The following BPTF variants were observed in gnomAD, a reference collection of about 807,000 sequenced individuals.
BPTF encodes bromodomain PHD finger transcription factor.
In BPTF, 18 loss-of-function variants were observed where a neutral mutation model predicts 292.5. The ratio of observed to expected loss-of-function variants is 0.06; its 90% CI spans 0.04 to 0.09. The LOEUF is 0.09. BPTF is among the 10% of genes least tolerant of loss of function. The pLI, the probability that BPTF is intolerant of heterozygous loss-of-function variation, is 1.00. For synonymous variants in BPTF, 1,225 were observed against 1,251.9 expected, an observed-to-expected ratio of 0.98 and a Z score of 0.45; for missense variants, 2,726 against 3,498.7, an observed-to-expected ratio of 0.78 and a Z score of 5.57.
chr17:67,863,925 A>T (rs1331007921), intron 2 of BPTF, among the ~76,000 whole-genome samples: 2 of 150,552 alleles, frequency 1.3e-5, no homozygotes, highest in Non-Finnish European at 3.0e-5. Context: ...TATAATATGT[A>T]TGTTTGCTCT....
chr17:67,912,916 G>A lies in BPTF; in HGVS notation c.5032G>A (p.Val1678Met), dbSNP rs1400871302. The A allele has an allele frequency of 1.9e-6, 3 of 1,614,112 alleles. No individual in the cohort carries two copies. The highest frequency in any genetic ancestry group is 2.5e-6 in the Non-Finnish European group (3 of 1,180,042). The change falls in exon 11 of 28, where the codon GTG (valine) becomes ATG (methionine). Residue 1678 changes from valine to methionine, a missense_variant. By Grantham distance (21) the Val-to-Met change is conservative. Coordinates refer to ENST00000306378, the MANE Select transcript of BPTF (RefSeq NM_182641.4). ...AGGCACACTGGTTACATCTATGACT[G>A]TGAGCAAAGAGTATTCCACACGAGA... ...TGGTLVTSMT[V>M]SKEYSTRDKV...
chr17:67,972,982 T>A (rs987135578), intron 26 of BPTF, among the ~76,000 whole-genome samples: 4 of 149,604 alleles, frequency 2.7e-5, no homozygotes, highest in Admixed American at 6.7e-5. Flanking sequence ...TTTAACTGCA[T>A]AAACTGGAGC....
At chr17:67,866,795 G>T (rs1159944053) in intron 3 of BPTF, 108 bp downstream of exon 3, 1 of 782,596 alleles carries the variant, frequency 1.3e-6, no homozygotes, top group East Asian at 2.7e-5. Context: ...GTACAGTCGT[G>T]CATTGCTTAA....
chr17:67,955,996 C>G (rs1238804219), intron 23 of BPTF: 3 of 151,652 alleles, frequency 2.0e-5, no homozygotes, highest in Non-Finnish European at 4.4e-5. Flanking sequence ...AAAAAGAATT[C>G]TCTGGGTGTT....
At chr17:67,956,346 C>A (rs1555681040) in intron 23 of BPTF, 1 of 142,012 alleles carries the variant, frequency 7.0e-6, no homozygotes, top group East Asian at 2.1e-4. Context: ...AAGACAGGGT[C>A]TCACTTTGTC....
intron 9 of BPTF, among the ~76,000 whole-genome samples, chr17:67,907,446 C>T (rs577132966): frequency 6.6e-6 from 1 of 151,580 alleles, no homozygotes; most frequent in South Asian, 2.1e-4. Context: ...ACCTCCACCT[C>T]CCGGGTTCAA....
intron 1 of BPTF, among the ~76,000 whole-genome samples, chr17:67,848,385 CA>C (rs2058180803): frequency 6.6e-6 from 1 of 152,032 alleles, no homozygotes; most frequent in African/African-American, 2.4e-5. Flanking sequence ...ACAAATGAGC[CA>C]GGGGGCATGA....
At chr17:67,885,201 A>AAG (rs1423809671) in intron 4 of BPTF, among the ~76,000 whole-genome samples, 4 of 152,184 alleles carry the variant, frequency 2.6e-5, no homozygotes, top group African/African-American at 9.7e-5. Flanking sequence ...CTACCATGGA[A>AAG]AGACAGGCTT....
chr17:67,945,275 G>C (rs1006180525), intron 20 of BPTF, 134 bp from the exon 21 acceptor site: 10 of 1,453,940 alleles, frequency 6.9e-6, no homozygotes, highest in Non-Finnish European at 9.1e-6. Flanking sequence ...CCACCTCAAC[G>C]TCCCAAGGTG....
At chr17:67,853,016 G>A (rs1766383289) in intron 1 of BPTF, among the ~76,000 whole-genome samples, 1 of 152,116 alleles carries the variant, frequency 6.6e-6, no homozygotes, top group South Asian at 2.1e-4. Flanking sequence ...CCTGCCTGTA[G>A]TCCCAGCTAC....
At chr17:67,923,056 C>CTT (rs1204420514) in intron 14 of BPTF, 66 bp downstream of exon 14, 5,431 of 1,196,948 alleles carry the variant, frequency 4.5e-3, no homozygotes, top group African/African-American at 7.8e-3. Context: ...CAATAAATTA[C>CTT]TTTTTTTTTT....
chr17:67,895,352 AAAAAG>A (rs1485010128), intron 7 of BPTF, among the ~76,000 whole-genome samples: 1 of 151,532 alleles, frequency 6.6e-6, no homozygotes, highest in Non-Finnish European at 1.5e-5. Flanking sequence ...AAAAAAAAAA[AAAAAG>A]GAATGTAATA....
chr17:67,836,091 G>C (rs1395751489), intron 1 of BPTF, among the ~76,000 whole-genome samples: 1 of 152,202 alleles, frequency 6.6e-6, no homozygotes, highest in African/African-American at 2.4e-5. Flanking sequence ...TTATAAAAGT[G>C]TAAAAGCTGA....
At chr17:67,883,692 CT>C (rs1327322149) in intron 4 of BPTF, among the ~76,000 whole-genome samples, 1 of 152,036 alleles carries the variant, frequency 6.6e-6, no homozygotes, top group Non-Finnish European at 1.5e-5. Flanking sequence ...CTCCGCCCCC[CT>C]GGGTTCAAGC....
At position 67,932,007 on chromosome 17, in the gene BPTF, A is replaced by G. The variant is rs747166503; in HGVS notation, c.6247A>G (p.Met2083Val). 4 of 1,612,572 alleles carry G rather than the reference A, an allele frequency of 2.5e-6. No individual in the cohort carries two copies. The highest frequency in any genetic ancestry group is 2.7e-5 in the African/African-American group (2 of 74,916). ...LGKAIIRTPV[M>V]VQPGAPQQVM... Reference sequence around the variant, plus strand: ...AAAGGCAATTATTCGAACACCTGTGATGGTACAGCCAGGTATTTATCCATC... The same window carrying G: ...AAAGGCAATTATTCGAACACCTGTGGTGGTACAGCCAGGTATTTATCCATC... Residue 2083 changes from methionine to valine, a missense_variant, in exon 18 of 28, where the codon ATG (methionine) becomes GTG (valine). Transcript: ENST00000306378.
In BPTF at chr17:67,917,132, T is replaced by TTTTCCTTTCTTTC. The variant is rs1491428972; in HGVS notation, c.5304-1579_5304-1578insCCTTTCTTTCTTT. Among the ~76,000 whole-genome samples the TTTTCCTTTCTTTC allele has an allele frequency of 5.9e-5, 5 of 84,088 alleles. 1 individual carries two copies. Among genetic ancestry groups the TTTTCCTTTCTTTC allele is most frequent in the African/African-American group, 4.3e-4 (5 of 11,742 alleles). 55.2% of individuals were successfully genotyped at this position (84,088 alleles called of 152,430 possible). A position where few individuals can be genotyped will look rare whatever the true frequency, so the allele number is the denominator to read the frequency against. On this transcript the variant is annotated intron_variant, in intron 11 of 27. Coordinates refer to ENST00000306378, the MANE Select transcript of BPTF (RefSeq NM_182641.4). The stretch of plus-strand genomic sequence containing the variant: ...ATAAGTAACTAATATGGTATTGTCC[T>TTTTCCTTTCTTTC]TTTTTTTTTTTTTTTTTTGAGATAG...
intron 2 of BPTF, among the ~76,000 whole-genome samples, chr17:67,857,636 T>G (rs2058782948): frequency 6.6e-6 from 1 of 151,236 alleles, no homozygotes; most frequent in Admixed American, 6.6e-5. Context: ...CCGGCTAATT[T>G]TTGCATTTTT....
chr17:67,885,529 A>G (rs2060695765), intron 4 of BPTF, among the ~76,000 whole-genome samples: 1 of 152,140 alleles, frequency 6.6e-6, no homozygotes, highest in South Asian at 2.1e-4. Context: ...GGTGGAGGCT[A>G]CAGTCAGCCG....
Position 67,853,904 on chromosome 17 carries a change from T to C in BPTF, c.614-36T>C, listed in dbSNP as rs972791629. 14 of 1,499,578 alleles carry C rather than the reference T, an allele frequency of 9.3e-6. No homozygotes were observed. In the Admixed American group the frequency reaches 2.1e-4, roughly 22 times the overall value. 92.9% of individuals were successfully genotyped at this position (1,499,578 alleles called of 1,614,324 possible). ...GGAAATTTGTAGAAATGATGTAATG[T>C]ATTGATTTGTAATGATGTCACGTCT... On this transcript the variant is annotated intron_variant, in intron 1 of 27. Transcript: ENST00000306378.
Sources: allele counts gnomAD v4.1 joint callset (sites outside exome capture counted in the v4.1 genomes callset), GRCh38; gene constraint gnomAD v4.1.1; transcripts MANE v1.5; gene names NCBI Gene and HGNC (gene_info 2026-07-23, HGNC 2026-07-21).